APC2: variants seen among roughly 807,000 people sequenced by gnomAD.
APC2 encodes APC regulator of Wnt signaling pathway 2, also known as adenomatous polyposis coli protein 2.
Under a neutral mutation model 72.5 loss-of-function variants are expected in APC2, and 41 were observed. The observed-to-expected ratio is 0.57, with a 90% confidence interval of 0.44 to 0.73. APC2 has a LOEUF of 0.73. APC2 is among the 30% of genes least tolerant of loss of function. The pLI, the probability that APC2 is intolerant of heterozygous loss-of-function variation, is 0.00. For missense variants in APC2, 3,729 were observed against 3,403.4 expected (o/e 1.10, Z -2.38); for synonymous variants, 1,898 against 1,612.0 (o/e 1.18, Z -4.25).
At chr19:1,448,823 T>G (rs551775618), upstream of APC2, among the ~76,000 whole-genome samples, 126 of 136,378 alleles carry the variant, frequency 9.2e-4, 2 homozygotes, top group South Asian at 0.021. Context: ...CAGCCTGGGC[T>G]ACAGAGCAAG....
In APC2 at chr19:1,452,068, AGGGAGGAGGCGAGCGCTGAT is replaced by A. The variant is rs2083749295; in HGVS notation, c.-18-911_-18-892del. 7.3e-6 allele frequency: 1 copy of A among 137,278 alleles called. No individual in the cohort carries two copies. Among genetic ancestry groups the A allele is most frequent in the Non-Finnish European group, 1.6e-5 (1 of 64,302 alleles). The allele number at this position is 137,278 out of a possible 1,614,324, so 8.5% of individuals were successfully genotyped here. A position where few individuals can be genotyped will look rare whatever the true frequency, so the allele number is the denominator to read the frequency against. On this transcript the variant is annotated intron_variant, in intron 1 of 14. Coordinates refer to ENST00000590469, the MANE Select transcript of APC2 (RefSeq NM_005883.3). This position sits in a 1 kb window ranked among gnomAD's most constrained non-coding sequence, Gnocchi z 5.1. ...ATTGGTGCGTCTGAGACAAAGGCGG[AGGGAGGAGGCGAGCGCTGAT>A]GGGAAAGGAACAAAGAGGGAAGGGG...
rs1365970670 is a variant in APC2, at chr19:1,467,062, C to G, written c.3761C>G (p.Ser1254Cys). The change falls in exon 15 of 15, where the codon TCT (serine) becomes TGT (cysteine). Residue 1254 changes from serine to cysteine, a missense_variant. Ser to Cys is a moderately radical substitution (Grantham distance 112). Coordinates refer to ENST00000590469, the MANE Select transcript of APC2 (RefSeq NM_005883.3). ...TGCCGGGAGCGCTGCCGGCTGCCAT[C>G]TGAGCTGGACGCAGGCAGCGTGCGC... ...ADCRERCRLP[S>C]ELDAGSVRFT... is the part of the protein sequence containing the mutation. 1.9e-6 allele frequency: 3 copies of G among 1,611,828 alleles called. No individual in the cohort carries two copies. Among genetic ancestry groups the G allele is most frequent in the Non-Finnish European group, 2.5e-6 (3 of 1,179,658 alleles).
intron 6 of APC2, 128 bp downstream of exon 6, chr19:1,455,628 G>T: frequency 1.1e-6 from 1 of 926,204 alleles, no homozygotes; most frequent in Non-Finnish European, 1.6e-6. Context: ...GTTGGGGGGC[G>T]CGGGTTCTGG....
chr19:1,462,650 C>T (rs1345826442), intron 14 of APC2, among the ~76,000 whole-genome samples: 5 of 78,690 alleles, frequency 6.4e-5, no homozygotes, highest in African/African-American at 3.7e-4. Context: ...AGCGAAACTT[C>T]ATCTCAAAAA....
Position 1,468,422 on chromosome 19 carries a change from G to T in APC2, c.5121G>T (p.Thr1707=). 6.3e-7 allele frequency: 1 copy of T among 1,591,416 alleles called. No individual in the cohort carries two copies. Residue 1707 remains threonine (T), a synonymous_variant, in exon 15 of 15, where the codon ACG becomes ACT. Transcript: ENST00000590469. ...GGCTGCACCAGGCAGCAGCTGCCAC[G>T]CGGGAGGCCTCGTCCGAGTCCGACT... The part of the protein sequence containing the change: ...VTWLHQAAAA[T]REASSESDSI...
chr19:1,457,102 T>G lies in APC2; in HGVS notation c.1066T>G (p.Phe356Val). 3 of 1,581,124 alleles carry G rather than the reference T, an allele frequency of 1.9e-6. No homozygotes were observed. The highest frequency in any genetic ancestry group is 1.2e-5 in the South Asian group (1 of 86,774). Residue 356 changes from phenylalanine (F) to valine (V), a missense_variant, in exon 9 of 15, where the codon TTC (phenylalanine) becomes GTC (valine). Phe to Val is a conservative substitution (Grantham distance 50). Transcript: ENST00000590469. ...CAACGCGGCGCTGCACAACATCGTC[T>G]TCTCGCAGCCGGACCAGGGCCTGGC... Reference protein sequence around the residue: ...RANAALHNIVFSQPDQGLARK... With the variant: ...RANAALHNIVVSQPDQGLARK...
Position 1,467,517 on chromosome 19 carries a change from C to G in APC2, c.4216C>G (p.Leu1406Val), listed in dbSNP as rs776633082. Residue 1406 changes from leucine (L) to valine (V), a missense_variant, in exon 15 of 15, where the codon CTC becomes GTC. Physicochemically the swap from Leu to Val is conservative, Grantham distance 32. Transcript: ENST00000590469. ...TPVNFSSAAS[L>V]SDETLQGPPR... ...GGTCAACTTCTCTAGCGCCGCCTCG[C>G]TCAGCGACGAGACGCTGCAGGGACC... The G allele has an allele frequency of 3.9e-5, 57 of 1,471,072 alleles. No homozygotes were observed. Among genetic ancestry groups the G allele is most frequent in the Non-Finnish European group, 4.8e-5 (54 of 1,114,336 alleles). The allele number at this position is 1,471,072 out of a possible 1,614,324, so 91.1% of individuals were successfully genotyped here. A position where few individuals can be genotyped will look rare whatever the true frequency, so the allele number is the denominator to read the frequency against.
rs2084159475 is a variant in APC2, at chr19:1,472,916, C to A, written c.*2703C>A. The A allele has an allele frequency of 6.6e-6, 1 of 152,392 alleles. No homozygotes were observed. The highest frequency in any genetic ancestry group is 2.4e-5 in the African/African-American group (1 of 41,462). 9.4% of individuals were successfully genotyped at this position (152,392 alleles called of 1,614,324 possible). Reference sequence around the variant, plus strand: ...TGAGGCTGATGGACAGTGACCGCCACTGGCCCCCAACATGACCACACGTGG... The same window carrying A: ...TGAGGCTGATGGACAGTGACCGCCAATGGCCCCCAACATGACCACACGTGG... On this transcript the variant is annotated 3_prime_UTR_variant, in exon 15 of 15. Coordinates refer to ENST00000590469, the MANE Select transcript of APC2 (RefSeq NM_005883.3).
At chr19:1,457,556 G>C in intron 9 of APC2, 1 of 513,970 alleles carries the variant, frequency 1.9e-6, no homozygotes, top group Non-Finnish European at 3.4e-6. Flanking sequence ...ATGGGGGCCG[G>C]GCGCTGTGAC....
chr19:1,457,940 T>A, intron 9 of APC2, 25 bp from the exon 10 acceptor site: 1 of 1,517,514 alleles, frequency 6.6e-7, no homozygotes, highest in Non-Finnish European at 8.9e-7. Flanking sequence ...GAATGGGGGC[T>A]CTGATCTGGT....
Position 1,465,689 on chromosome 19 carries a change from A to G in APC2, c.2388A>G (p.Pro796=). The G allele has an allele frequency of 2.5e-6, 4 of 1,592,312 alleles. No homozygotes were observed. Among genetic ancestry groups the G allele is most frequent in the Non-Finnish European group, 3.4e-6 (4 of 1,171,374 alleles). Reference sequence around the variant, plus strand: ...CTGCGGCCGCGGCCACCGGGGAGCCAGCCAGCCCTGCCGCGCTGTCCCTCT... The same window carrying G: ...CTGCGGCCGCGGCCACCGGGGAGCCGGCCAGCCCTGCCGCGCTGTCCCTCT... The part of the protein sequence containing the change: ...SLAAAAATGE[P]ASPAALSLFL... The change falls in exon 15 of 15, where the codon CCA becomes CCG. Residue 796 remains proline (P), a synonymous_variant. Coordinates refer to ENST00000590469, the MANE Select transcript of APC2 (RefSeq NM_005883.3).
At chr19:1,458,221 G>A in intron 10 of APC2, 161 bp downstream of exon 10, 1 of 666,644 alleles carries the variant, frequency 1.5e-6, no homozygotes, top group Non-Finnish European at 2.6e-6. Context: ...CCTCTCATGA[G>A]TGGACCGTCA....
chr19:1,469,634 C>T lies in APC2; in HGVS notation c.6333C>T (p.Pro2111=). 1.6e-6 allele frequency: 2 copies of T among 1,230,220 alleles called. No individual in the cohort carries two copies. 76.2% of individuals were successfully genotyped at this position (1,230,220 alleles called of 1,614,324 possible). A position where few individuals can be genotyped will look rare whatever the true frequency, so the allele number is the denominator to read the frequency against. Residue 2111 remains proline, a synonymous_variant, in exon 15 of 15, where the codon CCC becomes CCT. Coordinates refer to ENST00000590469, the MANE Select transcript of APC2 (RefSeq NM_005883.3). ...SLPHISVARR[P]DGAVPAAPAS... ...CGCACATCAGCGTGGCCCGCAGGCCCGACGGCGCCGTCCCCGCGGCCCCTG... is the reference window on the plus strand; with the variant it reads ...CGCACATCAGCGTGGCCCGCAGGCCTGACGGCGCCGTCCCCGCGGCCCCTG...
rs945218666 is a variant in APC2 at position 1,461,791 on chromosome 19, G to A, written c.1639-172G>A. ...CGCTTGAACTGGGGAGTCGGAGCCT[G>A]CAGTGAGTCGAGATCTCGCCACTGC... is the stretch of plus-strand genomic sequence containing the variant. On this transcript the variant is annotated intron_variant, in intron 13 of 14. Transcript: ENST00000590469. The A allele has an allele frequency of 2.5e-5, 15 of 601,940 alleles. No homozygotes were observed. In the Middle Eastern group the frequency reaches 1.8e-3, roughly 71 times the overall value. 37.3% of individuals were successfully genotyped at this position (601,940 alleles called of 1,614,324 possible).
rs1330462247 is a variant in APC2 at position 1,467,278 on chromosome 19, C to A, written c.3977C>A (p.Ala1326Glu). 3 of 1,309,360 alleles carry A rather than the reference C, an allele frequency of 2.3e-6. No individual in the cohort carries two copies. Among genetic ancestry groups the A allele is most frequent in the Non-Finnish European group, 9.7e-7 (1 of 1,034,096 alleles). 81.1% of individuals were successfully genotyped at this position (1,309,360 alleles called of 1,614,324 possible). Residue 1326 changes from alanine (A) to glutamate (E), a missense_variant, in exon 15 of 15, where the codon GCG becomes GAG. Ala to Glu is a moderately radical substitution (Grantham distance 107). Transcript: ENST00000590469. Reference sequence around the variant, plus strand: ...CACCGGCGGCGGGAGGAGGGGCCGGCGCCCACGGGTTCTCGCCCTCGCGGC... The same window carrying A: ...CACCGGCGGCGGGAGGAGGGGCCGGAGCCCACGGGTTCTCGCCCTCGCGGC... ...AGHRRREEGP[A>E]PTGSRPRGAA...
chr19:1,466,535 G>A lies in APC2; in HGVS notation c.3234G>A (p.Ser1078=), dbSNP rs377140511. Reference sequence around the variant, plus strand: ...GCAGCTCCCTTTCCTCGCTGTCCTCGGCCGGCCGCCCAGGCCCCAGCGAGG... The same window carrying A: ...GCAGCTCCCTTTCCTCGCTGTCCTCAGCCGGCCGCCCAGGCCCCAGCGAGG... ...SRCSSLSSLS[S]AGRPGPSEGG... Residue 1078 remains serine, a synonymous_variant, in exon 15 of 15, where the codon TCG becomes TCA. Transcript: ENST00000590469. 9.2e-5 allele frequency: 146 copies of A among 1,587,148 alleles called. No individual in the cohort carries two copies. Among genetic ancestry groups the A allele is most frequent in the Non-Finnish European group, 1.1e-4 (130 of 1,174,562 alleles).
chr19:1,465,768 C>T lies in APC2; in HGVS notation c.2467C>T (p.Arg823Cys), dbSNP rs767711833. ...GQALARTPPT[R>C]RGGKEAEKDT... ...GGCGCTGGCTCGCACCCCGCCCACC[C>T]GCCGAGGCGGCAAGGAGGCAGAGAA... Residue 823 changes from arginine (R) to cysteine (C), a missense_variant, in exon 15 of 15, where the codon CGC (arginine) becomes TGC (cysteine). Physicochemically the swap from Arg to Cys is radical, Grantham distance 180 (BLOSUM62 -3). Transcript: ENST00000590469. 12 of 1,549,202 alleles carry T rather than the reference C, an allele frequency of 7.7e-6. No homozygotes were observed. The highest frequency in any genetic ancestry group is 1.4e-5 in the African/African-American group (1 of 72,870).
chr19:1,467,139 G>C lies in APC2; in HGVS notation c.3838G>C (p.Ala1280Pro). Reference protein sequence around the residue: ...ENFSCASSLSALALHEHYVQQ... With the variant: ...ENFSCASSLSPLALHEHYVQQ... Reference sequence around the variant, plus strand: ...CTTCTCGTGCGCCTCCAGCCTCAGCGCGCTGGCCTTGCACGAGCACTACGT... The same window carrying C: ...CTTCTCGTGCGCCTCCAGCCTCAGCCCGCTGGCCTTGCACGAGCACTACGT... The change falls in exon 15 of 15, where the codon GCG becomes CCG. Residue 1280 changes from alanine to proline, a missense_variant. Coordinates refer to ENST00000590469, the MANE Select transcript of APC2 (RefSeq NM_005883.3). 2 of 1,579,656 alleles carry C rather than the reference G, an allele frequency of 1.3e-6. No individual in the cohort carries two copies. Among genetic ancestry groups the C allele is most frequent in the Non-Finnish European group, 8.6e-7 (1 of 1,162,568 alleles).
In APC2 at chr19:1,456,975, T is replaced by C. The variant is rs1230061414; in HGVS notation, c.939T>C (p.Cys313=). 6 of 1,537,606 alleles carry C rather than the reference T, an allele frequency of 3.9e-6. No homozygotes were observed. Among genetic ancestry groups the C allele is most frequent in the Admixed American group, 2.0e-5 (1 of 51,028 alleles). ...GCGTGGCCATGCGCCGCTCGGGCTG[T>C]CTGCCTCTGCTGCTGCAAATCCTCC... ...ESCVAMRRSG[C]LPLLLQILHG... is the part of the protein sequence containing the mutation. The change falls in exon 9 of 15, where the codon TGT becomes TGC. Residue 313 remains cysteine, a synonymous_variant. Transcript: ENST00000590469.
Sources: gnomAD v4.1 joint callset for allele counts (sites outside exome capture counted in the v4.1 genomes callset) on GRCh38, gnomAD v4.1.1 for gene constraint, Gnocchi (gnomAD v3.1) non-coding constraint, MANE v1.5 for transcripts, NCBI Gene and HGNC (gene_info 2026-07-23, HGNC 2026-07-21) for gene names.